The following GHR variants were observed in gnomAD, a reference collection of about 807,000 sequenced individuals.
GHR encodes GH receptor.
A neutral mutation model predicts 67.1 loss-of-function variants in GHR; 35 were observed. The ratio of observed to expected loss-of-function variants is 0.52; its 90% CI spans 0.40 to 0.69. GHR has a LOEUF of 0.69. Among genes scored for constraint, GHR ranks in the 30% least tolerant of loss-of-function variants. The pLI is 0.00. For synonymous variants in GHR, 272 were observed against 269.1 expected (o/e 1.01, Z -0.10); for missense variants, 792 against 764.6 (o/e 1.04, Z -0.42).
Position 42,431,484 on chromosome 5 carries a change from A to C in GHR, c.-12+7529A>C, listed in dbSNP as rs186896721. 3.9e-5 allele frequency among the ~76,000 whole-genome samples: 6 copies of C among 152,346 alleles called. No individual in the cohort carries two copies. The East Asian group carries it at 1.2e-3, about 29-fold the overall frequency. ...CACTAATTTTACTTAGTAATGATTC[A>C]TAAGAAGGTAGTGATTTTGTCAGAA... On this transcript the variant is annotated intron_variant, in intron 1 of 9. Coordinates refer to ENST00000230882, the MANE Select transcript of GHR (RefSeq NM_000163.5).
intron 1 of GHR, among the ~76,000 whole-genome samples, chr5:42,540,431 A>G (rs1409540709): frequency 6.6e-6 from 1 of 152,224 alleles, no homozygotes; most frequent in Non-Finnish European, 1.5e-5. Flanking sequence ...TTCACAGAAC[A>G]TAAACCTACT....
chr5:42,707,318 T>A (rs1758225898), intron 6 of GHR, among the ~76,000 whole-genome samples: 1 of 151,990 alleles, frequency 6.6e-6, no homozygotes, highest in African/African-American at 2.4e-5. Context: ...TTTTTAATAA[T>A]TTTATCTTTT....
intron 3 of GHR, among the ~76,000 whole-genome samples, chr5:42,684,275 G>T (rs1284322695): frequency 6.6e-6 from 1 of 152,304 alleles, no homozygotes; most frequent in African/African-American, 2.4e-5. Flanking sequence ...CAAATGGCTT[G>T]GGAAGGTCAA....
rs202121919 is a variant in GHR, at chr5:42,446,472, T to A, written c.-12+22517T>A. Among the ~76,000 whole-genome samples, 4 of 152,356 alleles carry A rather than the reference T, an allele frequency of 2.6e-5. No individual in the cohort carries two copies. The East Asian group carries it at 7.7e-4, about 29-fold the overall frequency. ...GTGAAGGGAAAAGTAGGCAGGGTTC[T>A]TATATTTATATCAGTGATCTTGGAC... On this transcript the variant is annotated intron_variant, in intron 1 of 9. Coordinates refer to ENST00000230882, the MANE Select transcript of GHR (RefSeq NM_000163.5).
At chr5:42,618,387 T>C (rs1753273356) in intron 2 of GHR, among the ~76,000 whole-genome samples, 1 of 152,084 alleles carries the variant, frequency 6.6e-6, no homozygotes, top group Admixed American at 6.5e-5. Context: ...ATCCGTAAAA[T>C]GTATGCATTT....
rs148677728 is a variant in GHR, at chr5:42,719,096, T to C, written c.1589T>C (p.Met530Thr). The change falls in exon 10 of 10, where the codon ATG becomes ACG. Residue 530 changes from methionine to threonine, a missense_variant. Physicochemically the swap from Met to Thr is moderately conservative, Grantham distance 81 (BLOSUM62 -1). Coordinates refer to ENST00000230882, the MANE Select transcript of GHR (RefSeq NM_000163.5). ...MVSLCQENFL[M>T]DNAYFCEADA... Reference sequence around the variant, plus strand: ...TCACTCTGCCAAGAAAACTTCCTTATGGACAATGCCTACTTCTGTGAGGCA... The same window carrying C: ...TCACTCTGCCAAGAAAACTTCCTTACGGACAATGCCTACTTCTGTGAGGCA... 234 of 1,614,062 alleles carry C rather than the reference T, an allele frequency of 1.4e-4. No individual in the cohort carries two copies. The highest frequency in any genetic ancestry group is 1.8e-4 in the Non-Finnish European group (214 of 1,179,900).
chr5:42,507,407 G>A (rs1746825425), intron 1 of GHR, among the ~76,000 whole-genome samples: 1 of 152,128 alleles, frequency 6.6e-6, no homozygotes, highest in South Asian at 2.1e-4. Flanking sequence ...TATTCACCCA[G>A]ACTAAATGAA....
intron 1 of GHR, among the ~76,000 whole-genome samples, chr5:42,433,731 T>A (rs13172096): frequency 7.7e-6 from 1 of 130,172 alleles, no homozygotes; most frequent in Admixed American, 8.2e-5. Context: ...TAAGATATGG[T>A]ATTTTTTTTT....
intron 2 of GHR, among the ~76,000 whole-genome samples, chr5:42,583,422 C>T (rs140635460): frequency 6.6e-5 from 10 of 152,290 alleles, no homozygotes; most frequent in Admixed American, 6.5e-4. Flanking sequence ...CGGCATTAAT[C>T]TATTTTGACA....
intron 3 of GHR, among the ~76,000 whole-genome samples, chr5:42,653,069 G>A (rs1755086153): frequency 6.6e-6 from 1 of 152,118 alleles, no homozygotes; most frequent in African/African-American, 2.4e-5. Context: ...AATTGAGCAA[G>A]ACCATATACT....
Position 42,466,029 on chromosome 5 carries a change from C to T in GHR, c.-12+42074C>T, listed in dbSNP as rs543951852. 81 of 508,774 alleles carry T rather than the reference C, an allele frequency of 1.6e-4. No individual in the cohort carries two copies. The Middle Eastern group carries it at 2.3e-3, about 15-fold the overall frequency. The allele number at this position is 508,774 out of a possible 1,614,324, so 31.5% of individuals were successfully genotyped here. On this transcript the variant is annotated intron_variant, in intron 1 of 9. Transcript: ENST00000230882. ...TCTTCTTTTTGTGTTTTTTATTTTT[C>T]CTCTAGGCAAGCTTTATTCTTTGAT...
chr5:42,583,165 T>C (rs1751281369), intron 2 of GHR, among the ~76,000 whole-genome samples: 1 of 152,302 alleles, frequency 6.6e-6, no homozygotes, highest in Middle Eastern at 3.4e-3. Context: ...TCTGGAGTGT[T>C]TTCTGTGTTA....
At chr5:42,597,914 G>T (rs1418334091) in intron 2 of GHR, among the ~76,000 whole-genome samples, 1 of 152,188 alleles carries the variant, frequency 6.6e-6, no homozygotes, top group East Asian at 1.9e-4. Flanking sequence ...TTTTCTTGGA[G>T]GGATTCAAGT....
intron 1 of GHR, among the ~76,000 whole-genome samples, chr5:42,499,466 T>C (rs28943880): frequency 0.19 from 29,193 of 152,096 alleles, 3,096 homozygotes; most frequent in Non-Finnish European, 0.22. Context: ...TGAACACTCA[T>C]GTGTACAGTT....
chr5:42,427,999 A>C (rs796579899), intron 1 of GHR, among the ~76,000 whole-genome samples: 48 of 152,306 alleles, frequency 3.2e-4, no homozygotes, highest in African/African-American at 1.2e-3. Context: ...GTGCTGGGGA[A>C]TGGTGGCCCT....
chr5:42,449,961 C>A (rs984167328), intron 1 of GHR, among the ~76,000 whole-genome samples: 2 of 151,948 alleles, frequency 1.3e-5, no homozygotes, highest in Non-Finnish European at 1.5e-5. Flanking sequence ...AACCTACATC[C>A]CTGGTATGAA....
chr5:42,702,653 C>G (rs1419785168), intron 6 of GHR, among the ~76,000 whole-genome samples: 1 of 151,974 alleles, frequency 6.6e-6, no homozygotes, highest in African/African-American at 2.4e-5. Flanking sequence ...CTAATTTACA[C>G]TCCCACCAAT....
At chr5:42,552,271 T>G (rs1197043807) in intron 1 of GHR, among the ~76,000 whole-genome samples, 2 of 152,250 alleles carry the variant, frequency 1.3e-5, no homozygotes, top group Admixed American at 6.5e-5. Flanking sequence ...GTTACAAAGA[T>G]AGACTGGCCT....
intron 1 of GHR, among the ~76,000 whole-genome samples, chr5:42,471,310 CTATGT>C (rs879711981): frequency 6.6e-6 from 1 of 152,158 alleles, no homozygotes; most frequent in Non-Finnish European, 1.5e-5. Flanking sequence ...GGCATCCACT[CTATGT>C]TCAAAATGCC....
Sources: allele counts gnomAD v4.1 joint callset (sites outside exome capture counted in the v4.1 genomes callset), GRCh38; gene constraint gnomAD v4.1.1; transcripts MANE v1.5; gene names NCBI Gene and HGNC (gene_info 2026-07-23, HGNC 2026-07-21).